DOCK7: variants seen among roughly 807,000 people sequenced by gnomAD.
The protein encoded by DOCK7 is dedicator of cytokinesis protein 7.
Under a neutral mutation model 271.0 loss-of-function variants are expected in DOCK7, and 138 were observed. The ratio of observed to expected loss-of-function variants is 0.51; its 90% confidence interval spans 0.44 to 0.59. The LOEUF (loss-of-function observed/expected upper bound fraction) is 0.59, where lower values mean the gene tolerates loss of function less well. Ranked by LOEUF, DOCK7 falls within the 20% of genes least tolerant of loss-of-function variation. The pLI is 0.00. For synonymous variants in DOCK7, 823 were observed against 876.1 expected (o/e 0.94, Z 1.07); for missense variants, 2,066 against 2,592.4 (o/e 0.80, Z 4.41).
rs1460069912 is a variant in DOCK7 at position 62,559,095 on chromosome 1, T to C, written c.2325A>G (p.Ser775=). ...NLENELKSSI[S]ALNSSQLEPV... is the part of the protein sequence containing the mutation. ...GTTCCAGCTGGGATGAATTCAGTGC[T>C]GAAATACTGCTCTTCAATTCATTTT... The change falls in exon 20 of 50, where the codon TCA becomes TCG. Residue 775 remains serine (S), a synonymous_variant. Transcript: ENST00000635253. 1.2e-6 allele frequency: 2 copies of C among 1,613,944 alleles called. No individual in the cohort carries two copies. Among genetic ancestry groups the C allele is most frequent in the East Asian group, 2.2e-5 (1 of 44,872 alleles).
At chr1:62,492,966 G>A in intron 40 of DOCK7, 119 bp from the exon 41 acceptor site, 1 of 786,504 alleles carries the variant, frequency 1.3e-6, no homozygotes, top group Non-Finnish European at 2.0e-6. Context: ...AAAGGAGAGT[G>A]ATATAAAGGT....
intron 8 of DOCK7, among the ~76,000 whole-genome samples, chr1:62,636,315 T>C (rs912491255): frequency 1.5e-4 from 23 of 152,228 alleles, no homozygotes; most frequent in African/African-American, 4.3e-4. Flanking sequence ...AAGTTGCTTC[T>C]GCTATTTGCT....
intron 2 of DOCK7, among the ~76,000 whole-genome samples, chr1:62,656,400 T>C (rs1469663897): frequency 1.3e-5 from 2 of 152,172 alleles, no homozygotes; most frequent in Middle Eastern, 3.2e-3. Flanking sequence ...TACAAAACAT[T>C]TGATAAAGGA....
chr1:62,634,985 A>G (rs1171812312), intron 8 of DOCK7, 63 bp from the exon 9 acceptor site: 1 of 1,140,950 alleles, frequency 8.8e-7, no homozygotes, highest in Non-Finnish European at 1.2e-6. Context: ...ATTTCTTAAA[A>G]GAAAGCTGCT....
intron 4 of DOCK7, 92 bp downstream of exon 4, chr1:62,653,633 T>C (rs1429651153): frequency 1.2e-6 from 1 of 804,336 alleles, no homozygotes; most frequent in African/African-American, 1.8e-5. Flanking sequence ...TTTAAATAAA[T>C]TTTCAGGTCT....
At chr1:62,511,513 T>C (rs1644483631) in intron 33 of DOCK7, 1 of 152,122 alleles carries the variant, frequency 6.6e-6, no homozygotes, top group Non-Finnish European at 1.5e-5. Context: ...GGATGAAGAA[T>C]AATGAAAGTA....
intron 18 of DOCK7, among the ~76,000 whole-genome samples, chr1:62,576,590 G>C (rs1477661827): frequency 1.3e-5 from 2 of 152,116 alleles, no homozygotes; most frequent in Non-Finnish European, 2.9e-5. Flanking sequence ...AATAGCACCA[G>C]GAAAATATTC....
At chr1:62,592,807 T>TG (rs1648657055) in intron 14 of DOCK7, among the ~76,000 whole-genome samples, 1 of 152,196 alleles carries the variant, frequency 6.6e-6, no homozygotes, top group African/African-American at 2.4e-5. Context: ...CATATACTCC[T>TG]GGCAGGGATG....
chr1:62,491,056 T>C (rs888534122), intron 41 of DOCK7, among the ~76,000 whole-genome samples: 1 of 152,222 alleles, frequency 6.6e-6, no homozygotes, highest in African/African-American at 2.4e-5. Context: ...TCTAAAAACA[T>C]TCCTATGAGG....
chr1:62,583,085 C>T, intron 16 of DOCK7, 99 bp downstream of exon 16: 1 of 959,386 alleles, frequency 1.0e-6, no homozygotes, highest in South Asian at 1.7e-5. Flanking sequence ...GAATTTGGCA[C>T]ATTTAGTGCA....
rs560605176 is a variant in DOCK7, at chr1:62,626,258, A to G, written c.1283-857T>C. On this transcript the variant is annotated intron_variant, in intron 11 of 49. Coordinates refer to ENST00000635253, the MANE Select transcript of DOCK7 (RefSeq NM_001367561.1). Reference sequence around the variant, plus strand: ...CTCGGGGGAGGATTTACAGCTATTAATGTCTATTTTAAAAAGAACTATCTC... The same window carrying G: ...CTCGGGGGAGGATTTACAGCTATTAGTGTCTATTTTAAAAAGAACTATCTC... Among the ~76,000 whole-genome samples the G allele has an allele frequency of 2.1e-3, 316 of 152,294 alleles. 2 individuals carry two copies. The highest frequency in any genetic ancestry group is 7.2e-3 in the African/African-American group (301 of 41,580).
intron 15 of DOCK7, chr1:62,584,362 T>C (rs527729737): frequency 2.5e-5 from 25 of 987,324 alleles, no homozygotes; most frequent in Non-Finnish European, 2.9e-5. Flanking sequence ...ATCATGTCAA[T>C]ATTACATTAT....
chr1:62,676,189 TAGTC>T (rs1362377500), intron 1 of DOCK7, among the ~76,000 whole-genome samples: 3 of 152,190 alleles, frequency 2.0e-5, no homozygotes, highest in East Asian at 1.9e-4. Flanking sequence ...AATGGAATAT[TAGTC>T]AGCCATAAAA....
chr1:62,650,181 C>G (rs1408404700), intron 4 of DOCK7, among the ~76,000 whole-genome samples: 1 of 152,152 alleles, frequency 6.6e-6, no homozygotes, highest in Non-Finnish European at 1.5e-5. Context: ...CACTGACTCA[C>G]CTAGATCATA....
rs542265410 is a variant in DOCK7, at chr1:62,620,600, G to A, written c.1426-607C>T. Among the ~76,000 whole-genome samples the A allele has an allele frequency of 2.0e-5, 3 of 151,836 alleles. No homozygotes were observed. In the East Asian group the frequency reaches 5.8e-4, roughly 30 times the overall value. On this transcript the variant is annotated intron_variant, in intron 12 of 49. Coordinates refer to ENST00000635253, the MANE Select transcript of DOCK7 (RefSeq NM_001367561.1). ...TATAGAAAACCAATACAAGTTACTG[G>A]CCGGGTGCAGTGGCTCACGCCTGTA...
intron 36 of DOCK7, among the ~76,000 whole-genome samples, chr1:62,505,118 A>T (rs1646902541): frequency 6.6e-6 from 1 of 152,226 alleles, no homozygotes. Context: ...TATTTATTAC[A>T]AAATAATACG....
At position 62,457,723 on chromosome 1, in the gene DOCK7, T is replaced by C. The variant is rs1645387830; in HGVS notation, c.6213-18A>G. On this transcript the variant is annotated intron_variant, in intron 48 of 49. Transcript: ENST00000635253. ...CTTCACACCTAGGAAAAACAGGATGTTATCAAGATATTACTTCTGGCATAG... is the reference window on the plus strand; with the variant it reads ...CTTCACACCTAGGAAAAACAGGATGCTATCAAGATATTACTTCTGGCATAG... 1 of 1,609,100 alleles carries C rather than the reference T, an allele frequency of 6.2e-7. No homozygotes were observed. Among genetic ancestry groups the C allele is most frequent in the Non-Finnish European group, 8.5e-7 (1 of 1,178,180 alleles).
intron 1 of DOCK7, 35 bp from the exon 2 acceptor site, chr1:62,663,165 G>GAAAAA: frequency 9.6e-7 from 1 of 1,040,934 alleles, no homozygotes; most frequent in Non-Finnish European, 1.3e-6. Context: ...ACGCATTATT[G>GAAAAA]AAAAAAAAAA....
intron 2 of DOCK7, among the ~76,000 whole-genome samples, chr1:62,656,847 A>C (rs756418836): frequency 2.4e-4 from 37 of 152,170 alleles, no homozygotes; most frequent in South Asian, 4.1e-4. Flanking sequence ...ATCAAAAAAG[A>C]AGCAGCCTGA....
Sources: gnomAD v4.1 joint callset for allele counts (sites outside exome capture counted in the v4.1 genomes callset) on GRCh38, gnomAD v4.1.1 for gene constraint, MANE v1.5 for transcripts, NCBI Gene and HGNC (gene_info 2026-07-23, HGNC 2026-07-21) for gene names.